SSBP3: variants seen among roughly 807,000 people sequenced by gnomAD.
SSBP3 encodes the protein single-stranded DNA-binding protein 3.
Under a neutral mutation model 69.6 loss-of-function variants are expected in SSBP3, and 5 were observed. The observed-to-expected ratio is 0.07, with a 90% CI of 0.04 to 0.15. The LOEUF is 0.15. Among genes scored for constraint, SSBP3 ranks in the 10% least tolerant of loss-of-function variants. The pLI, the probability that SSBP3 is intolerant of heterozygous loss-of-function variation, is 1.00. For synonymous variants in SSBP3, 196 were observed against 193.4 expected, an observed-to-expected ratio of 1.01 and a Z score of -0.11; for missense variants, 312 against 534.0, an observed-to-expected ratio of 0.58 and a Z score of 4.10.
rs781393869 is a variant in SSBP3 at position 54,243,213 on chromosome 1, G to C, written c.716+22C>G. 4 of 1,612,300 alleles carry C rather than the reference G, an allele frequency of 2.5e-6. No individual in the cohort carries two copies. The African/African-American group carries it at 4.0e-5, about 16-fold the overall frequency. On this transcript the variant is annotated intron_variant, in intron 10 of 17. Coordinates refer to ENST00000610401, the Ensembl canonical transcript of SSBP3. ...GGGAAGACCTGGACTCTGAGCCACG[G>C]GCCGGGTCGTTTTTGCCTTACATGT...
chr1:54,311,053 A>G (rs944512683), intron 4 of SSBP3, among the ~76,000 whole-genome samples: 1 of 152,144 alleles, frequency 6.6e-6, no homozygotes, highest in Non-Finnish European at 1.5e-5. Context: ...GCTTGGGTCT[A>G]TTTCGCGGAC....
At chr1:54,403,956 A>C in intron 3 of SSBP3, among the ~76,000 whole-genome samples, 1 of 142,912 alleles carries the variant, frequency 7.0e-6, no homozygotes, top group East Asian at 2.1e-4. Flanking sequence ...AACTGCAGAC[A>C]CTGCGAGGTC....
Position 54,259,241 on chromosome 1 carries a change from T to C in SSBP3, c.367-1092A>G, listed in dbSNP as rs2100755696. 4.6e-5 allele frequency among the ~76,000 whole-genome samples: 7 copies of C among 151,440 alleles called. No individual in the cohort carries two copies. In the South Asian group the frequency reaches 1.5e-3, roughly 32 times the overall value. On this transcript the variant is annotated intron_variant, in intron 5 of 17. Coordinates refer to ENST00000610401, the Ensembl canonical transcript of SSBP3. ...TTACAAACTATGGGTAGAAACTCAC[T>C]CAGCAATTCAGCAAGCTGCAATAAT...
At chr1:54,313,116 G>T (rs546992066) in intron 4 of SSBP3, among the ~76,000 whole-genome samples, 1 of 151,000 alleles carries the variant, frequency 6.6e-6, no homozygotes, top group Non-Finnish European at 1.5e-5. Flanking sequence ...GGTGGAGCCA[G>T]CTCTGATTTG....
At chr1:54,247,485 T>C (rs931897236) in intron 9 of SSBP3, among the ~76,000 whole-genome samples, 1 of 152,146 alleles carries the variant, frequency 6.6e-6, no homozygotes, top group Non-Finnish European at 1.5e-5. Flanking sequence ...AGGACCAGGA[T>C]TAATGACCCA....
At chr1:54,389,087 T>C (rs1405870019) in intron 4 of SSBP3, among the ~76,000 whole-genome samples, 1 of 152,218 alleles carries the variant, frequency 6.6e-6, no homozygotes, top group Non-Finnish European at 1.5e-5. Context: ...AAATTTCCAA[T>C]GTTTTTCTGT....
At chr1:54,270,000 C>A (rs1318533438) in intron 5 of SSBP3, among the ~76,000 whole-genome samples, 1 of 152,178 alleles carries the variant, frequency 6.6e-6, no homozygotes. Context: ...CACAGCGGGG[C>A]TGGGCAGAAA....
intron 4 of SSBP3, among the ~76,000 whole-genome samples, chr1:54,303,207 G>C (rs959423907): frequency 6.6e-6 from 1 of 152,226 alleles, no homozygotes; most frequent in African/African-American, 2.4e-5. Context: ...AGAGAGCAGA[G>C]ATGAGCTTGG....
chr1:54,279,250 G>A (rs1194702329), intron 5 of SSBP3, among the ~76,000 whole-genome samples: 1 of 152,208 alleles, frequency 6.6e-6, no homozygotes, highest in Non-Finnish European at 1.5e-5. Context: ...AGGTCCAAAA[G>A]TTACCTCTGT....
intron 4 of SSBP3, among the ~76,000 whole-genome samples, chr1:54,358,359 T>C: frequency 6.6e-6 from 1 of 152,184 alleles, no homozygotes; most frequent in Non-Finnish European, 1.5e-5. Flanking sequence ...CCCCTGAAGC[T>C]GAACCAGCCC....
intron 3 of SSBP3, 76 bp downstream of exon 3, chr1:54,404,500 C>T (rs1296984640): frequency 1.9e-6 from 3 of 1,566,682 alleles, no homozygotes; most frequent in East Asian, 4.5e-5. Context: ...CTGCTCCAAG[C>T]CTCCCTTCTT....
At chr1:54,265,059 A>G (rs1169582963) in intron 5 of SSBP3, among the ~76,000 whole-genome samples, 1 of 152,226 alleles carries the variant, frequency 6.6e-6, no homozygotes, top group Non-Finnish European at 1.5e-5. Flanking sequence ...GGTCCCAAAT[A>G]CCGACAGAAA....
chr1:54,229,462 G>C (rs1644344741), intron 14 of SSBP3, among the ~76,000 whole-genome samples: 1 of 152,182 alleles, frequency 6.6e-6, no homozygotes, highest in Admixed American at 6.5e-5. Context: ...GAGAGAGCTA[G>C]GGCACTGGCC....
intron 4 of SSBP3, among the ~76,000 whole-genome samples, chr1:54,345,096 G>A (rs1015508636): frequency 5.3e-5 from 8 of 152,074 alleles, no homozygotes; most frequent in Non-Finnish European, 1.2e-4. Flanking sequence ...CCTGATACAC[G>A]GGGAGACTAG....
rs547143922 is a variant in SSBP3 at position 54,332,451 on chromosome 1, C to T, written c.277-50924G>A. Among the ~76,000 whole-genome samples the T allele has an allele frequency of 7.2e-5, 11 of 152,284 alleles. No homozygotes were observed. The South Asian group carries it at 2.1e-3, about 29-fold the overall frequency. On this transcript the variant is annotated intron_variant, in intron 4 of 17. Coordinates refer to ENST00000610401, the Ensembl canonical transcript of SSBP3. ...GTCCCAGCCACCTTGAATGCCTCAGCCAGGTCAAGCTGCCCATCTGGCTGC... is the reference window on the plus strand; with the variant it reads ...GTCCCAGCCACCTTGAATGCCTCAGTCAGGTCAAGCTGCCCATCTGGCTGC...
At chr1:54,282,498 C>G (rs1355278098) in intron 4 of SSBP3, among the ~76,000 whole-genome samples, 1 of 152,194 alleles carries the variant, frequency 6.6e-6, no homozygotes, top group Non-Finnish European at 1.5e-5. Context: ...CTGGCATTTG[C>G]CTGGTATATC....
At chr1:54,227,619 T>A (rs879311712) in intron 17 of SSBP3, among the ~76,000 whole-genome samples, 5 of 152,046 alleles carry the variant, frequency 3.3e-5, no homozygotes, top group Non-Finnish European at 7.4e-5. Context: ...ACTCTGTCAC[T>A]CAGGCTGGAG....
intron 4 of SSBP3, among the ~76,000 whole-genome samples, chr1:54,319,389 C>T (rs896256207): frequency 3.3e-5 from 5 of 151,862 alleles, no homozygotes; most frequent in African/African-American, 4.8e-5. Flanking sequence ...CAGAGTGACC[C>T]GCTCTGCAAC....
chr1:54,404,514 T>C, intron 3 of SSBP3, 62 bp downstream of exon 3: 2 of 1,593,056 alleles, frequency 1.3e-6, no homozygotes, highest in East Asian at 2.2e-5. Context: ...CCTTCTTTGT[T>C]CACTTGGACC....
Sources: allele counts gnomAD v4.1 joint callset (sites outside exome capture counted in the v4.1 genomes callset), GRCh38; gene constraint gnomAD v4.1.1; transcripts MANE v1.5; gene names NCBI Gene and HGNC (gene_info 2026-07-23, HGNC 2026-07-21).